The following MYO9B variants were observed in gnomAD, a reference collection of about 807,000 sequenced individuals.
MYO9B encodes the protein myosin IXB.
In MYO9B, 71 loss-of-function variants were observed where a neutral mutation model predicts 229.5. The observed-to-expected ratio is 0.31, with a 90% CI of 0.26 to 0.38. The LOEUF (loss-of-function observed/expected upper bound fraction) is 0.38. Ranked by LOEUF, MYO9B falls within the 10% of genes least tolerant of loss-of-function variation. The pLI is 1.00. For synonymous variants in MYO9B, 1,185 were observed against 1,235.8 expected (o/e 0.96, Z 0.86); for missense variants, 2,255 against 2,920.5 (o/e 0.77, Z 5.25).
At chr19:17,136,320 CG>C (rs2072269076) in intron 2 of MYO9B, among the ~76,000 whole-genome samples, 1 of 152,042 alleles carries the variant, frequency 6.6e-6, no homozygotes, top group African/African-American at 2.4e-5. Flanking sequence ...TCCAAGGAGA[CG>C]AGTCAGTGCC....
rs4808595 is a variant in MYO9B at position 17,195,722 on chromosome 19, C to T, written c.4046+249C>T. 0.17 allele frequency among the ~76,000 whole-genome samples: 25,507 copies of T among 152,068 alleles called. 2,816 individuals are homozygous for T. Among genetic ancestry groups the T allele is most frequent in the East Asian group, 0.48 (2,461 of 5,120 alleles). On this transcript the variant is annotated intron_variant, in intron 22 of 39. Coordinates refer to ENST00000682292, the MANE Select transcript of MYO9B (RefSeq NM_004145.4). The surrounding 1 kb of genome is among the most constrained non-coding windows in gnomAD (Gnocchi z 4.5). ...GAGCTGTGCTCACACAGAAAGGCCC[C>T]GGCCTTGAGAGAGGTGGCTCCTCAG...
At chr19:17,097,774 A>T (rs1185300476) in intron 1 of MYO9B, among the ~76,000 whole-genome samples, 1 of 152,148 alleles carries the variant, frequency 6.6e-6, no homozygotes, top group African/African-American at 2.4e-5. Context: ...GTGCTGAGTC[A>T]TGCTTCTCTT....
At chr19:17,088,690 T>C (rs934143219) in intron 1 of MYO9B, among the ~76,000 whole-genome samples, 1 of 152,072 alleles carries the variant, frequency 6.6e-6, no homozygotes, top group African/African-American at 2.4e-5. Flanking sequence ...TACTTATTTG[T>C]GTGTGTGTGA....
At chr19:17,145,516 T>C in intron 3 of MYO9B, 25 bp downstream of exon 3, 1 of 1,589,976 alleles carries the variant, frequency 6.3e-7, no homozygotes, top group Non-Finnish European at 8.6e-7. Flanking sequence ...GGGTCCCCAC[T>C]GGTGGGAGCT....
chr19:17,148,170 C>T (rs183725746), intron 3 of MYO9B, among the ~76,000 whole-genome samples: 12 of 152,286 alleles, frequency 7.9e-5, no homozygotes, highest in Non-Finnish European at 1.3e-4. Flanking sequence ...ATTCAGGGTA[C>T]CTTGTTGGGA....
In MYO9B at chr19:17,212,450, C is replaced by A; in HGVS notation, c.*140C>A. The A allele has an allele frequency of 9.1e-7, 1 of 1,094,174 alleles. No homozygotes were observed. Among genetic ancestry groups the A allele is most frequent in the South Asian group, 1.9e-5 (1 of 52,178 alleles). 67.8% of individuals were successfully genotyped at this position (1,094,174 alleles called of 1,614,324 possible). A position where few individuals can be genotyped will look rare whatever the true frequency, so the allele number is the denominator to read the frequency against. ...AAGAGTGACGTGAGGTGGGCACCGG[C>A]CCCAAGTGCAGAGTCAAGGCAGGGA... is the stretch of plus-strand genomic sequence containing the variant. On this transcript the variant is annotated 3_prime_UTR_variant, in exon 40 of 40. Transcript: ENST00000682292. The surrounding 1 kb of genome is among the most constrained non-coding windows in gnomAD (Gnocchi z 5.4).
chr19:17,123,190 TA>T (rs1278736631), intron 2 of MYO9B, among the ~76,000 whole-genome samples: 1 of 152,064 alleles, frequency 6.6e-6, no homozygotes, highest in African/African-American at 2.4e-5. Context: ...AAGACACACC[TA>T]AATCAAAGGG....
At position 17,168,001 on chromosome 19, in the gene MYO9B, G is replaced by T. The variant is rs749063487; in HGVS notation, c.1730G>T (p.Gly577Val). The T allele has an allele frequency of 6.2e-7, 1 of 1,608,414 alleles. No individual in the cohort carries two copies. The highest frequency in any genetic ancestry group is 8.5e-7 in the Non-Finnish European group (1 of 1,177,762). Reference protein sequence around the residue: ...WHNIGYTDNVGCIHLISKKPT... With the variant: ...WHNIGYTDNVVCIHLISKKPT... ...AACATCGGCTACACAGACAATGTCGGCTGCATCCATCTCATCAGCAAGAAA... is the reference window on the plus strand; with the variant it reads ...AACATCGGCTACACAGACAATGTCGTCTGCATCCATCTCATCAGCAAGAAA... Residue 577 changes from glycine to valine, a missense_variant, in exon 11 of 40, where the codon GGC becomes GTC. Coordinates refer to ENST00000682292, the MANE Select transcript of MYO9B (RefSeq NM_004145.4).
chr19:17,132,178 CTTTTTTTTTTTTTT>C (rs60927116), intron 2 of MYO9B, among the ~76,000 whole-genome samples: 2 of 78,446 alleles, frequency 2.5e-5, no homozygotes, highest in South Asian at 9.0e-4. Flanking sequence ...TATTTTATTT[CTTTTTTTTTTTTTT>C]TTTTTTTTTT....
intron 10 of MYO9B, among the ~76,000 whole-genome samples, chr19:17,167,630 C>T (rs1198348615): frequency 1.3e-5 from 2 of 151,918 alleles, no homozygotes; most frequent in Non-Finnish European, 2.9e-5. Flanking sequence ...CAGGCTTGTG[C>T]AACCACGCCT....
At chr19:17,143,913 T>G (rs1423827039) in intron 2 of MYO9B, among the ~76,000 whole-genome samples, 2 of 146,278 alleles carry the variant, frequency 1.4e-5, no homozygotes, top group African/African-American at 5.1e-5. Context: ...AGGGCAAGAC[T>G]CTGTCTCAAA....
At chr19:17,113,965 TG>T (rs1447239940) in intron 2 of MYO9B, among the ~76,000 whole-genome samples, 4 of 152,076 alleles carry the variant, frequency 2.6e-5, no homozygotes, top group Non-Finnish European at 5.9e-5. Flanking sequence ...ACCCCTGCCC[TG>T]TTGATATGTG....
In MYO9B at chr19:17,200,361, A is replaced by G; in HGVS notation, c.4307A>G (p.Glu1436Gly). 2.5e-6 allele frequency: 4 copies of G among 1,610,170 alleles called. No individual in the cohort carries two copies. The highest frequency in any genetic ancestry group is 3.4e-6 in the Non-Finnish European group (4 of 1,177,998). Residue 1436 changes from glutamate to glycine, a missense_variant, in exon 25 of 40, where the codon GAG (glutamate) becomes GGG (glycine). This residue lies in a region of MYO9B where 679 missense variants were observed against 770.2 expected (regional missense o/e 0.88). Coordinates refer to ENST00000682292, the MANE Select transcript of MYO9B (RefSeq NM_004145.4). ...AAATACAGCCTGGAGGGCGCAGAGG[A>G]GCTGGAGAATGCAGTGTCCGGGCAC... is the stretch of plus-strand genomic sequence containing the variant. ...DKKYSLEGAE[E>G]LENAVSGHVV...
At position 17,195,068 on chromosome 19, in the gene MYO9B, C is replaced by T. The variant is rs202143758; in HGVS notation, c.3641C>T (p.Ser1214Phe). ...LVVETEAENT[S>F]QKQPTEQPQA... Reference sequence around the variant, plus strand: ...GTAGAGACGGAGGCTGAGAACACATCTCAAAAGCAGCCCACAGAGCAACCC... The same window carrying T: ...GTAGAGACGGAGGCTGAGAACACATTTCAAAAGCAGCCCACAGAGCAACCC... Residue 1214 changes from serine to phenylalanine, a missense_variant, in exon 22 of 40, where the codon TCT becomes TTT. Physicochemically the swap from Ser to Phe is radical, Grantham distance 155. Around this residue, in one of 7 missense-constraint regions of MYO9B, gnomAD observed 679 missense variants for 770.2 expected, o/e 0.88. Coordinates refer to ENST00000682292, the MANE Select transcript of MYO9B (RefSeq NM_004145.4). The surrounding 1 kb of genome is among the most constrained non-coding windows in gnomAD (Gnocchi z 4.5). The T allele has an allele frequency of 8.0e-5, 129 of 1,613,010 alleles. No individual in the cohort carries two copies. The Middle Eastern group carries it at 1.6e-3, about 21-fold the overall frequency.
chr19:17,115,010 A>G (rs1215867190), intron 2 of MYO9B, among the ~76,000 whole-genome samples: 3 of 149,496 alleles, frequency 2.0e-5, no homozygotes, highest in African/African-American at 7.4e-5. Flanking sequence ...TTTTTTAGAG[A>G]CAGGGTCTAG....
chr19:17,167,542 C>T (rs1346297970), intron 10 of MYO9B, among the ~76,000 whole-genome samples: 1 of 147,586 alleles, frequency 6.8e-6, no homozygotes, highest in Admixed American at 6.9e-5. Context: ...ACTAATGGCG[C>T]AATCTTGGCT....
At chr19:17,162,560 C>T (rs772447812) in intron 9 of MYO9B, 94 bp downstream of exon 9, 22 of 1,086,198 alleles carry the variant, frequency 2.0e-5, no homozygotes, top group South Asian at 5.7e-5. Flanking sequence ...CATCCGGAGC[C>T]GAGGCATCTG....
intron 2 of MYO9B, among the ~76,000 whole-genome samples, 191 bp downstream of exon 2, chr19:17,102,748 A>T (rs12977780): frequency 0.15 from 21,932 of 151,178 alleles, 1,907 homozygotes; most frequent in Non-Finnish European, 0.2. Context: ...AAAAAAAAAA[A>T]AATAATTAGC....
At chr19:17,134,640 G>C (rs978503400) in intron 2 of MYO9B, among the ~76,000 whole-genome samples, 3 of 151,664 alleles carry the variant, frequency 2.0e-5, no homozygotes, top group African/African-American at 7.3e-5. Context: ...TGCCCACCTT[G>C]GCCTCCCAAA....
Sources: allele counts gnomAD v4.1 joint callset (sites outside exome capture counted in the v4.1 genomes callset), GRCh38; gene constraint gnomAD v4.1.1; regional missense constraint gnomAD v4.1.1; non-coding constraint Gnocchi (gnomAD v3.1); transcripts MANE v1.5; gene names NCBI Gene and HGNC (gene_info 2026-07-23, HGNC 2026-07-21).